PCDHA4: variants seen among roughly 807,000 people sequenced by gnomAD.
PCDHA4 encodes protocadherin alpha-4.
In PCDHA4, 49 loss-of-function variants were observed where a neutral mutation model predicts 61.4. The ratio of observed to expected loss-of-function variants is 0.80; its 90% CI spans 0.63 to 1.01. The LOEUF (loss-of-function observed/expected upper bound fraction) is 1.01. Ranked by LOEUF, PCDHA4 falls within the 50% of genes least tolerant of loss-of-function variation. The pLI is 0.00. For missense variants in PCDHA4, 1,254 were observed against 1,235.8 expected (o/e 1.01, Z -0.22); for synonymous variants, 590 against 550.3 (o/e 1.07, Z -1.01).
chr5:140,829,991 A>G, intron 1 of PCDHA4: 2 of 1,613,756 alleles, frequency 1.2e-6, no homozygotes, highest in Non-Finnish European at 1.7e-6. Context: ...GATCAGCACC[A>G]CTCGTGTCCT....
chr5:140,984,271 A>G (rs1403531837), intron 3 of PCDHA4, among the ~76,000 whole-genome samples: 1 of 152,196 alleles, frequency 6.6e-6, no homozygotes, highest in African/African-American at 2.4e-5. Context: ...ACTAACTTTG[A>G]ATACATTCTC....
rs182063339 is a variant in PCDHA4 at position 140,937,439 on chromosome 5, T to C, written c.2386-41510T>C. Among the ~76,000 whole-genome samples, 830 of 152,312 alleles carry C rather than the reference T, an allele frequency of 5.4e-3. 3 individuals are homozygous for C. The highest frequency in any genetic ancestry group is 0.019 in the African/African-American group (799 of 41,586). Reference sequence around the variant, plus strand: ...TAGATAGCTGATATTTTAATGCTATTTTAAAAGTTTAATTTTATAATACAA... The same window carrying C: ...TAGATAGCTGATATTTTAATGCTATCTTAAAAGTTTAATTTTATAATACAA... On this transcript the variant is annotated intron_variant, in intron 1 of 3. Coordinates refer to ENST00000530339, the MANE Select transcript of PCDHA4 (RefSeq NM_018907.4).
In PCDHA4 at chr5:140,982,563, G is replaced by C; in HGVS notation, c.2533G>C (p.Glu845Gln). 3 of 1,614,072 alleles carry C rather than the reference G, an allele frequency of 1.9e-6. No homozygotes were observed. The highest frequency in any genetic ancestry group is 2.5e-6 in the Non-Finnish European group (3 of 1,179,960). The change falls in exon 3 of 4, where the codon GAA (glutamate) becomes CAA (glutamine). Residue 845 changes from glutamate (E) to glutamine (Q), a missense_variant and splice_region_variant. By Grantham distance (29) the Glu-to-Gln change is conservative (BLOSUM62 2). Transcript: ENST00000530339. Reference protein sequence around the residue: ...QWPTVSSATPEPEAGEVSPPV... With the variant: ...QWPTVSSATPQPEAGEVSPPV... Reference sequence around the variant, plus strand: ...GCCAACAGTATCCAGTGCAACACCAGGTAAAGAGCTGGGGTCTCTCCATTC... The same window carrying C: ...GCCAACAGTATCCAGTGCAACACCACGTAAAGAGCTGGGGTCTCTCCATTC...
At chr5:140,999,766 A>G (rs1417826824) in intron 3 of PCDHA4, among the ~76,000 whole-genome samples, 2 of 152,180 alleles carry the variant, frequency 1.3e-5, no homozygotes, top group African/African-American at 2.4e-5. Flanking sequence ...TGATGTCTTT[A>G]TACTCTTAAC....
intron 3 of PCDHA4, among the ~76,000 whole-genome samples, chr5:140,987,959 C>T (rs1222591572): frequency 1.3e-5 from 2 of 152,132 alleles, no homozygotes; most frequent in South Asian, 2.1e-4. Context: ...AAACCAACTC[C>T]CCATGGAAAG....
intron 1 of PCDHA4, chr5:140,836,859 A>G: frequency 1.3e-6 from 1 of 776,996 alleles, no homozygotes. Flanking sequence ...ATTATTTTTT[A>G]ATGTTATGCT....
At chr5:140,996,699 C>T (rs1462785057) in intron 3 of PCDHA4, among the ~76,000 whole-genome samples, 3 of 152,146 alleles carry the variant, frequency 2.0e-5, no homozygotes, top group Non-Finnish European at 2.9e-5. Flanking sequence ...TTCTGAACCT[C>T]TATCTCTTTG....
intron 1 of PCDHA4, among the ~76,000 whole-genome samples, chr5:140,820,687 A>G (rs1312592028): frequency 6.6e-6 from 1 of 152,116 alleles, no homozygotes; most frequent in African/African-American, 2.4e-5. Context: ...GGTTAATAAA[A>G]TGATATTCTT....
intron 1 of PCDHA4, among the ~76,000 whole-genome samples, chr5:140,938,949 G>A (rs943956831): frequency 6.6e-6 from 1 of 152,028 alleles, no homozygotes; most frequent in Non-Finnish European, 1.5e-5. Flanking sequence ...TTCTTATAAT[G>A]CTCTAGTCGG....
intron 1 of PCDHA4, among the ~76,000 whole-genome samples, chr5:140,973,733 C>G (rs1273705154): frequency 6.6e-6 from 1 of 152,216 alleles, no homozygotes; most frequent in Non-Finnish European, 1.5e-5. Context: ...GGCATCTGGT[C>G]TAACTCAGAA....
chr5:140,829,768 C>T (rs2150174166), intron 1 of PCDHA4: 18 of 1,613,762 alleles, frequency 1.1e-5, no homozygotes, highest in African/African-American at 5.3e-5. Context: ...TGGACGAGAA[C>T]GACAACGCGC....
chr5:140,905,809 A>C (rs1349964349), intron 1 of PCDHA4, among the ~76,000 whole-genome samples: 1 of 152,184 alleles, frequency 6.6e-6, no homozygotes, highest in East Asian at 1.9e-4. Context: ...GGACAGAATT[A>C]ATAGGCTAGA....
At chr5:140,929,459 G>A in intron 1 of PCDHA4, 1 of 1,350,080 alleles carries the variant, frequency 7.4e-7, no homozygotes. Flanking sequence ...CACTTCCTGT[G>A]CCAAGAAATC....
intron 1 of PCDHA4, chr5:140,836,717 G>A: frequency 6.2e-7 from 1 of 1,612,788 alleles, no homozygotes; most frequent in South Asian, 1.1e-5. Flanking sequence ...GCCTTCCTCA[G>A]GGTCCATCCT....
At chr5:140,910,619 C>T (rs1554194336) in intron 1 of PCDHA4, among the ~76,000 whole-genome samples, 1 of 152,226 alleles carries the variant, frequency 6.6e-6, no homozygotes, top group Non-Finnish European at 1.5e-5. Context: ...TAATCCACTC[C>T]ACCATCCCAA....
At position 140,876,236 on chromosome 5, in the gene PCDHA4, T is replaced by A. The variant is rs782328225; in HGVS notation, c.2385+66664T>A. ...TATAAAGTAGTGTTGTCTGAAAATG[T>A]CCAAAACGACACAAGAGTGATCCAA... On this transcript the variant is annotated intron_variant, in intron 1 of 3. Coordinates refer to ENST00000530339, the MANE Select transcript of PCDHA4 (RefSeq NM_018907.4). The A allele has an allele frequency of 6.2e-7, 1 of 1,613,856 alleles. No homozygotes were observed. Among genetic ancestry groups the A allele is most frequent in the African/African-American group, 1.3e-5 (1 of 74,914 alleles).
intron 1 of PCDHA4, chr5:140,814,194 A>T (rs1266788072): frequency 1.3e-5 from 2 of 151,392 alleles, no homozygotes; most frequent in African/African-American, 4.9e-5. Context: ...TAATTTTTTT[A>T]TTTTTTTCAC....
chr5:140,953,871 A>G (rs2094944952), intron 1 of PCDHA4, among the ~76,000 whole-genome samples: 1 of 152,146 alleles, frequency 6.6e-6, no homozygotes, highest in African/African-American at 2.4e-5. Context: ...TTTGCTGCAC[A>G]GATCAACCCA....
In PCDHA4 at chr5:140,808,944, G is replaced by A. The variant is rs782358037; in HGVS notation, c.1757G>A (p.Gly586Asp). Reference protein sequence around the residue: ...AVSELVPWSVGVGHVVAKVRA... With the variant: ...AVSELVPWSVDVGHVVAKVRA... ...AGCGAGCTGGTGCCATGGTCGGTGG[G>A]TGTGGGCCACGTGGTGGCAAAGGTG... Residue 586 changes from glycine to aspartate, a missense_variant, in exon 1 of 4, where the codon GGT (glycine) becomes GAT (aspartate). Coordinates refer to ENST00000530339, the MANE Select transcript of PCDHA4 (RefSeq NM_018907.4). The A allele has an allele frequency of 1.4e-5, 23 of 1,613,698 alleles. No homozygotes were observed. The highest frequency in any genetic ancestry group is 8.5e-7 in the Non-Finnish European group (1 of 1,179,830).
Sources: allele counts gnomAD v4.1 joint callset (sites outside exome capture counted in the v4.1 genomes callset), GRCh38; gene constraint gnomAD v4.1.1; transcripts MANE v1.5; gene names NCBI Gene and HGNC (gene_info 2026-07-23, HGNC 2026-07-21).